Variants in SLC12A7 observed in about 807,000 individuals in gnomAD.
SLC12A7 encodes solute carrier family 12 member 7.
A neutral mutation model predicts 120.6 loss-of-function variants in SLC12A7; 100 were observed. The observed-to-expected ratio is 0.83, with a 90% CI of 0.71 to 0.98. The LOEUF is 0.98. SLC12A7 is among the 50% of genes least tolerant of loss of function. SLC12A7 has a pLI of 0.00. For synonymous variants in SLC12A7, 760 were observed against 678.0 expected (o/e 1.12, Z -1.88); for missense variants, 1,373 against 1,548.1 (o/e 0.89, Z 1.90).
chr5:1,148,441 G>A, the SLC12A7 span, among the ~76,000 whole-genome samples: 9 of 152,218 alleles, frequency 5.9e-5, 1 homozygote, highest in South Asian at 1.9e-3. Flanking sequence ...TCCTGACCTT[G>A]TGATCCACCT....
chr5:1,133,605 G>A, the SLC12A7 span, among the ~76,000 whole-genome samples: 1 of 152,224 alleles, frequency 6.6e-6, no homozygotes, highest in African/African-American at 2.4e-5. Flanking sequence ...TGTGGCTGCT[G>A]CTGACGCTGA....
At chr5:1,062,108 G>A (rs550947173) in intron 20 of SLC12A7, among the ~76,000 whole-genome samples, 5 of 152,202 alleles carry the variant, frequency 3.3e-5, no homozygotes, top group African/African-American at 7.2e-5. Context: ...CCAGGTTCCC[G>A]GACTTCAGAG....
rs1359011171 is a variant in SLC12A7, at chr5:1,087,017, G to A, written c.561C>T (p.Tyr187=). Residue 187 remains tyrosine (Y), a synonymous_variant, in exon 6 of 24, where the codon TAC becomes TAT. Transcript: ENST00000264930. ...NGVVPAGGSY[Y]MISRSLGPEF... ...CGGGTCCCAGCGAGCGCGATATCAT[G>A]TAGTAGGACCCGCCAGCTGCGGAGA... The A allele has an allele frequency of 6.2e-7, 1 of 1,612,350 alleles. No homozygotes were observed. Among genetic ancestry groups the A allele is most frequent in the Non-Finnish European group, 8.5e-7 (1 of 1,179,718 alleles).
chr5:1,106,562 C>T (rs964071317), intron 1 of SLC12A7, among the ~76,000 whole-genome samples: 1 of 152,104 alleles, frequency 6.6e-6, no homozygotes. Context: ...CCTGGGGTGT[C>T]GGCTCCACTC....
In SLC12A7 at chr5:1,077,938, G is replaced by A. The variant is rs1283450741; in HGVS notation, c.1524C>T (p.Val508=). ...CGCAGGTGGAGAAGAAGGAGCCGAT[G>A]ACGATGACCCAGGGGGAGGGCCAGG... ...MLAWPSPWVI[V]IGSFFSTCGA... The change falls in exon 12 of 24, where the codon GTC becomes GTT. Residue 508 remains valine, a synonymous_variant. Transcript: ENST00000264930. 1.2e-6 allele frequency: 2 copies of A among 1,602,198 alleles called. No homozygotes were observed. The highest frequency in any genetic ancestry group is 1.3e-5 in the African/African-American group (1 of 74,782).
the SLC12A7 span, among the ~76,000 whole-genome samples, chr5:1,130,310 GCA>G: frequency 6.6e-6 from 1 of 152,166 alleles, no homozygotes; most frequent in East Asian, 1.9e-4. Flanking sequence ...ACCTGGGCAG[GCA>G]CCTCCTGTCT....
At chr5:1,122,370 G>A in the SLC12A7 span, among the ~76,000 whole-genome samples, 2 of 152,174 alleles carry the variant, frequency 1.3e-5, no homozygotes, top group Admixed American at 6.5e-5. Flanking sequence ...CCGCCACTGC[G>A]CTTGGCACCT....
At chr5:1,129,300 A>T in the SLC12A7 span, among the ~76,000 whole-genome samples, 3 of 152,126 alleles carry the variant, frequency 2.0e-5, no homozygotes, top group Non-Finnish European at 4.4e-5. Context: ...TGAAAGTCGG[A>T]GGTGGGCAGG....
Position 1,065,364 on chromosome 5 carries a change from G to T in SLC12A7, c.2356C>A (p.Leu786Met), listed in dbSNP as rs779600572. The change falls in exon 18 of 24, where the codon CTG becomes ATG. Residue 786 changes from leucine to methionine, a missense_variant. By Grantham distance (15) the Leu-to-Met change is conservative (BLOSUM62 2). Coordinates refer to ENST00000264930, the MANE Select transcript of SLC12A7 (RefSeq NM_006598.3). ...GCCATGAGCACCGTGTTGTGCTTCA[G>T]GCCGCCCAGGCCGGCCGACTGGATC... ...HLIQSAGLGG[L>M]KHNTVLMAWP... is the part of the protein sequence containing the mutation. 3.1e-6 allele frequency: 5 copies of T among 1,612,212 alleles called. No individual in the cohort carries two copies. The highest frequency in any genetic ancestry group is 3.4e-6 in the Non-Finnish European group (4 of 1,179,468).
Position 1,077,920 on chromosome 5 carries a change from G to A in SLC12A7, c.1542C>T (p.Ser514=), listed in dbSNP as rs1317941189. 2.5e-6 allele frequency: 4 copies of A among 1,600,922 alleles called. No homozygotes were observed. The highest frequency in any genetic ancestry group is 2.7e-5 in the African/African-American group (2 of 74,752). The change falls in exon 12 of 24, where the codon TCC becomes TCT. Residue 514 remains serine, a synonymous_variant. Coordinates refer to ENST00000264930, the MANE Select transcript of SLC12A7 (RefSeq NM_006598.3). ...GGCTCTGCAGGCCGGCACCGCAGGT[G>A]GAGAAGAAGGAGCCGATGACGATGA... ...PWVIVIGSFF[S]TCGAGLQSLT...
chr5:1,146,138 T>C, the SLC12A7 span, among the ~76,000 whole-genome samples: 3 of 152,140 alleles, frequency 2.0e-5, no homozygotes, highest in Non-Finnish European at 4.4e-5. The surrounding 1 kb of genome is among the most constrained non-coding windows in gnomAD (Gnocchi z 6.5). Context: ...GGCTGCCCCA[T>C]CCCTCCTCAT....
intron 17 of SLC12A7, 81 bp downstream of exon 17, chr5:1,073,552 G>T (rs890298465): frequency 3.0e-5 from 44 of 1,451,220 alleles, no homozygotes; most frequent in Non-Finnish European, 3.9e-5. Context: ...TTGACACGCT[G>T]CGATGAGGAC....
At chr5:1,154,384 CACACACAG>C in the SLC12A7 span, among the ~76,000 whole-genome samples, 3 of 151,902 alleles carry the variant, frequency 2.0e-5, no homozygotes, top group African/African-American at 7.3e-5. Flanking sequence ...CACACACACA[CACACACAG>C]AGACACATAC....
At chr5:1,089,233 G>A in intron 3 of SLC12A7, 105 bp from the exon 4 acceptor site, 4 of 1,166,268 alleles carry the variant, frequency 3.4e-6, no homozygotes, top group Non-Finnish European at 4.8e-6. Flanking sequence ...GGCCGTGGGG[G>A]CAGGAGGGGG....
the SLC12A7 span, among the ~76,000 whole-genome samples, chr5:1,124,590 G>A: frequency 2.0e-5 from 3 of 152,310 alleles, no homozygotes; most frequent in East Asian, 5.8e-4. Flanking sequence ...AGAGAACACG[G>A]ACTGGCGGGG....
chr5:1,074,713 G>T (rs765303955), intron 15 of SLC12A7, 42 bp from the exon 16 acceptor site: 1 of 1,580,014 alleles, frequency 6.3e-7, no homozygotes, highest in Admixed American at 1.7e-5. Flanking sequence ...CGCGTACCTG[G>T]AGGCTCCTCT....
chr5:1,150,793 G>A, the SLC12A7 span, among the ~76,000 whole-genome samples: 1 of 152,230 alleles, frequency 6.6e-6, no homozygotes, highest in African/African-American at 2.4e-5. Context: ...AAAGAAAACA[G>A]AGCCTGCCCC....
intron 17 of SLC12A7, 54 bp downstream of exon 17, chr5:1,073,579 C>T: frequency 6.5e-7 from 1 of 1,544,134 alleles, no homozygotes. Flanking sequence ...GGGCACGTTT[C>T]CTGTGCAGCT....
rs1430349155 is a variant in SLC12A7, at chr5:1,099,314, A to G, written c.125-5066T>C. ...TCCACCTCCTCCGGTGGACGGCAGA[A>G]CCCAACCCGGTCCACCTCCTCTGGG... On this transcript the variant is annotated intron_variant, in intron 1 of 23. Coordinates refer to ENST00000264930, the MANE Select transcript of SLC12A7 (RefSeq NM_006598.3). Among the ~76,000 whole-genome samples the G allele has an allele frequency of 1.4e-3, 124 of 90,864 alleles. 1 individual carries two copies. Among genetic ancestry groups the G allele is most frequent in the African/African-American group, 2.9e-3 (94 of 32,776 alleles). The allele number at this position is 90,864 out of a possible 152,430, so 59.6% of individuals were successfully genotyped here. A position where few individuals can be genotyped will look rare whatever the true frequency, so the allele number is the denominator to read the frequency against.
Sources: allele counts gnomAD v4.1 joint callset (sites outside exome capture counted in the v4.1 genomes callset), GRCh38; gene constraint gnomAD v4.1.1; non-coding constraint Gnocchi (gnomAD v3.1); transcripts MANE v1.5; gene names NCBI Gene and HGNC (gene_info 2026-07-23, HGNC 2026-07-21).